Variants in CHST3 observed in about 807,000 individuals in gnomAD.
CHST3 encodes C6ST-1.
CHST3 carries 20 observed loss-of-function variants against 35.4 expected under a neutral mutation model. The observed-to-expected ratio is 0.57, with a 90% CI of 0.40 to 0.82. CHST3 has a LOEUF of 0.82. Ranked by LOEUF, CHST3 falls within the 40% of genes least tolerant of loss-of-function variation. The pLI, the probability that CHST3 is intolerant of heterozygous loss-of-function variation, is 0.00. For synonymous variants in CHST3, 334 were observed against 295.9 expected, an observed-to-expected ratio of 1.13 and a Z score of -1.32; for missense variants, 693 against 670.1, an observed-to-expected ratio of 1.03 and a Z score of -0.38.
chr10:72,004,847 G>C (rs763501251), intron 1 of CHST3, among the ~76,000 whole-genome samples: 1 of 152,242 alleles, frequency 6.6e-6, no homozygotes, highest in East Asian at 1.9e-4. Flanking sequence ...TGAGCAGTGG[G>C]GGCCAGGCGT....
In CHST3 at chr10:72,008,397, G is replaced by A; in HGVS notation, c.1366G>A (p.Ala456Thr). 1 of 1,570,544 alleles carries A rather than the reference G, an allele frequency of 6.4e-7. No individual in the cohort carries two copies. The highest frequency in any genetic ancestry group is 8.6e-7 in the Non-Finnish European group (1 of 1,158,926). Residue 456 changes from alanine to threonine, a missense_variant, in exon 3 of 3, where the codon GCG (alanine) becomes ACG (threonine). Ala to Thr is a moderately conservative substitution (Grantham distance 58). Transcript: ENST00000373115. ...CATGCGCCTCTTCGGCTACAAACTG[G>A]CGCGGGACGCCGCCGCCCTCACCAA... ...PAMRLFGYKL[A>T]RDAAALTNRS... is the part of the protein sequence containing the mutation.
intron 2 of CHST3, among the ~76,000 whole-genome samples, chr10:72,006,748 A>T (rs974678551): frequency 6.6e-6 from 1 of 152,074 alleles, no homozygotes; most frequent in Admixed American, 6.5e-5. Flanking sequence ...GACACCGTCA[A>T]TCCCCCCCCT....
intron 1 of CHST3, among the ~76,000 whole-genome samples, chr10:71,998,417 C>G (rs1291730009): frequency 6.6e-6 from 1 of 152,254 alleles, no homozygotes; most frequent in Non-Finnish European, 1.5e-5. Flanking sequence ...TGGTTGAGGG[C>G]ATCCTGGACA....
intron 1 of CHST3, among the ~76,000 whole-genome samples, chr10:71,997,374 G>A (rs1053361247): frequency 2.0e-5 from 3 of 152,072 alleles, no homozygotes; most frequent in Non-Finnish European, 4.4e-5. Flanking sequence ...TGTGGAAGAG[G>A]TGCTAGCATC....
intron 1 of CHST3, among the ~76,000 whole-genome samples, chr10:71,990,973 G>A (rs151272429): frequency 1.5e-4 from 23 of 152,216 alleles, no homozygotes; most frequent in Middle Eastern, 3.4e-3. Context: ...TTTCTCTTGC[G>A]TCACATCTGA....
chr10:71,988,272 C>G (rs137890323), intron 1 of CHST3, among the ~76,000 whole-genome samples: 245 of 152,330 alleles, frequency 1.6e-3, no homozygotes, highest in Non-Finnish European at 2.9e-3. Context: ...CCACCTCCTC[C>G]TAAAGTAGGG....
intron 1 of CHST3, among the ~76,000 whole-genome samples, chr10:71,980,911 G>A: frequency 1.3e-5 from 2 of 152,196 alleles, no homozygotes; most frequent in East Asian, 3.8e-4. Flanking sequence ...AATATAAAGT[G>A]TTGCATGTAG....
rs1345615772 is a variant in CHST3, at chr10:72,011,368, T to C, written c.*2897T>C. ...AGTGTATTCCCCTGGGGCTCAGCGA[T>C]GCTCTGGGAACCCTTGGGGTTTGGG... On this transcript the variant is annotated 3_prime_UTR_variant, in exon 3 of 3. Coordinates refer to ENST00000373115, the MANE Select transcript of CHST3 (RefSeq NM_004273.5). The C allele has an allele frequency of 1.3e-5, 2 of 152,342 alleles. No homozygotes were observed. Among genetic ancestry groups the C allele is most frequent in the Admixed American group, 1.3e-4 (2 of 15,280 alleles). 9.4% of individuals were successfully genotyped at this position (152,342 alleles called of 1,614,324 possible).
chr10:72,005,283 TTG>T (rs761296471), intron 1 of CHST3, among the ~76,000 whole-genome samples: 33 of 149,386 alleles, frequency 2.2e-4, no homozygotes, highest in African/African-American at 7.2e-4. Context: ...GTCTGCACCT[TTG>T]TGTGTGTGTG....
chr10:71,983,799 C>T (rs1839822439), intron 1 of CHST3, among the ~76,000 whole-genome samples: 1 of 152,050 alleles, frequency 6.6e-6, no homozygotes. Context: ...CAAACAAATA[C>T]AGAGAGTTTT....
Position 72,010,371 on chromosome 10 carries a change from G to C in CHST3, c.*1900G>C, listed in dbSNP as rs1467633868. 1 of 152,208 alleles carries C rather than the reference G, an allele frequency of 6.6e-6. No homozygotes were observed. Among genetic ancestry groups the C allele is most frequent in the Non-Finnish European group, 1.5e-5 (1 of 68,046 alleles). 9.4% of individuals were successfully genotyped at this position (152,208 alleles called of 1,614,324 possible). On this transcript the variant is annotated 3_prime_UTR_variant, in exon 3 of 3. Transcript: ENST00000373115. ...ATACGGCCCATTGTAAACCCAGAGG[G>C]CTGCATTTTGGGTTGAGTAATATGG...
At chr10:71,982,522 A>G (rs2127358) in intron 1 of CHST3, among the ~76,000 whole-genome samples, 57,794 of 152,074 alleles carry the variant, frequency 0.38, 11,949 homozygotes, top group Non-Finnish European at 0.48. Flanking sequence ...GGAGGCTGCA[A>G]CGGGAGGATC....
In CHST3 at chr10:72,007,848, A is replaced by G. The variant is rs765880880; in HGVS notation, c.817A>G (p.Lys273Glu). ...CCGCCGCAAGGAGCACATGGCCCTC[A>G]AGGCGGTGCGCATCCGGCAGCTGGA... ...ACRRKEHMAL[K>E]AVRIRQLEFL... The change falls in exon 3 of 3, where the codon AAG becomes GAG. Residue 273 changes from lysine to glutamate, a missense_variant. By Grantham distance (56) the Lys-to-Glu change is moderately conservative. Transcript: ENST00000373115. 1.2e-6 allele frequency: 2 copies of G among 1,604,628 alleles called. No individual in the cohort carries two copies. Among genetic ancestry groups the G allele is most frequent in the South Asian group, 2.2e-5 (2 of 90,594 alleles).
At chr10:72,006,710 G>A (rs1840041675) in intron 2 of CHST3, among the ~76,000 whole-genome samples, 1 of 152,218 alleles carries the variant, frequency 6.6e-6, no homozygotes, top group Admixed American at 6.5e-5. Context: ...AGCTAAGATG[G>A]GTGGGTCAGG....
chr10:71,982,399 T>A (rs1270477098), intron 1 of CHST3, among the ~76,000 whole-genome samples: 1 of 152,166 alleles, frequency 6.6e-6, no homozygotes, highest in Non-Finnish European at 1.5e-5. Flanking sequence ...TTTGGCACCT[T>A]CATGTTAAGT....
intron 1 of CHST3, among the ~76,000 whole-genome samples, chr10:71,977,664 ATTGT>A (rs67217368): frequency 0.34 from 51,695 of 150,518 alleles, 10,392 homozygotes; most frequent in Non-Finnish European, 0.46. Flanking sequence ...CTGGAGCTTG[ATTGT>A]TTGTTTGTTT....
At chr10:71,978,372 A>G (rs779595905) in intron 1 of CHST3, among the ~76,000 whole-genome samples, 4 of 151,910 alleles carry the variant, frequency 2.6e-5, no homozygotes, top group South Asian at 2.1e-4. Context: ...TCTTAAAAAA[A>G]AAAAAAAACA....
At chr10:71,973,613 C>G (rs1839717003) in intron 1 of CHST3, among the ~76,000 whole-genome samples, 1 of 152,218 alleles carries the variant, frequency 6.6e-6, no homozygotes, top group Non-Finnish European at 1.5e-5. Flanking sequence ...CATCACCTGT[C>G]CAGGTCCTGC....
At chr10:71,997,797 A>C (rs1839955018) in intron 1 of CHST3, among the ~76,000 whole-genome samples, 1 of 150,492 alleles carries the variant, frequency 6.6e-6, no homozygotes, top group South Asian at 2.1e-4. Flanking sequence ...CCTCCTGAGT[A>C]GCTGAGATTA....
Sources: gnomAD v4.1 joint callset for allele counts (sites outside exome capture counted in the v4.1 genomes callset) on GRCh38, gnomAD v4.1.1 for gene constraint, MANE v1.5 for transcripts, NCBI Gene and HGNC (gene_info 2026-07-23, HGNC 2026-07-21) for gene names.